RAPGEF1: variants seen among roughly 807,000 people sequenced by gnomAD.
RAPGEF1 encodes the protein Rap guanine nucleotide exchange factor 1.
RAPGEF1 carries 33 observed loss-of-function variants against 143.3 expected under a neutral mutation model. The ratio of observed to expected loss-of-function variants is 0.23; its 90% confidence interval spans 0.17 to 0.31. The LOEUF is 0.31. Ranked by LOEUF, RAPGEF1 falls within the 10% of genes least tolerant of loss-of-function variation. The probability of loss-of-function intolerance (pLI) is 1.00; values close to 1 mark genes in which losing one functional copy is unlikely to be tolerated. For missense variants in RAPGEF1, 1,199 were observed against 1,645.4 expected (o/e 0.73, Z 4.69); for synonymous variants, 629 against 676.5 (o/e 0.93, Z 1.09).
chr9:131,614,668 T>G (rs1319245043), intron 12 of RAPGEF1, among the ~76,000 whole-genome samples: 2 of 152,250 alleles, frequency 1.3e-5, no homozygotes, highest in African/African-American at 4.8e-5. Context: ...AGCGTCTGCA[T>G]GAAGCTCAAG....
At chr9:131,657,150 C>T (rs1016871985) in intron 1 of RAPGEF1, among the ~76,000 whole-genome samples, 4 of 152,146 alleles carry the variant, frequency 2.6e-5, no homozygotes, top group African/African-American at 9.6e-5. Flanking sequence ...TACTATAATG[C>T]TTTGCGATAG....
intron 3 of RAPGEF1, among the ~76,000 whole-genome samples, chr9:131,644,789 C>T (rs1969085415): frequency 6.6e-6 from 1 of 151,994 alleles, no homozygotes. Context: ...CATAGTGACA[C>T]ACCGTCTCAA....
At chr9:131,677,099 T>C (rs956628209) in intron 1 of RAPGEF1, among the ~76,000 whole-genome samples, 3 of 152,206 alleles carry the variant, frequency 2.0e-5, no homozygotes, top group African/African-American at 7.2e-5. Flanking sequence ...CAAACAAATA[T>C]TTACAAAGTT....
At chr9:131,647,560 T>G (rs1255434958) in intron 3 of RAPGEF1, among the ~76,000 whole-genome samples, 1 of 152,202 alleles carries the variant, frequency 6.6e-6, no homozygotes, top group African/African-American at 2.4e-5. Flanking sequence ...AGAGAGCTAA[T>G]GAATAATCAA....
chr9:131,673,700 C>T (rs79639484), intron 1 of RAPGEF1, among the ~76,000 whole-genome samples: 4,650 of 152,244 alleles, frequency 0.031, 107 homozygotes, highest in Middle Eastern at 0.085. Context: ...CCCCCCCGGC[C>T]GCCCCACCCA....
intron 1 of RAPGEF1, among the ~76,000 whole-genome samples, chr9:131,652,884 T>C (rs1012778259): frequency 6.6e-6 from 1 of 152,236 alleles, no homozygotes; most frequent in African/African-American, 2.4e-5. Flanking sequence ...ATATGTGCTA[T>C]ATATTTACAC....
chr9:131,597,263 T>C (rs1209835467), intron 16 of RAPGEF1, among the ~76,000 whole-genome samples: 1 of 152,186 alleles, frequency 6.6e-6, no homozygotes, highest in Non-Finnish European at 1.5e-5. Flanking sequence ...TGAGATTGTC[T>C]TGGGTTTACC....
intron 5 of RAPGEF1, among the ~76,000 whole-genome samples, chr9:131,634,370 C>G (rs1965752951): frequency 6.6e-6 from 1 of 152,136 alleles, no homozygotes; most frequent in South Asian, 2.1e-4. Flanking sequence ...GGAAAAGTAG[C>G]TCTCCAAATA....
chr9:131,733,373 G>C (rs1458429516), intron 1 of RAPGEF1, among the ~76,000 whole-genome samples: 1 of 131,158 alleles, frequency 7.6e-6, no homozygotes, highest in African/African-American at 2.8e-5. Flanking sequence ...GGCGGGGGGG[G>C]GGGTGGTGCG....
rs749485743 is a variant in RAPGEF1, at chr9:131,580,337, G to C, written c.3567C>G (p.Ile1189Met). The change falls in exon 26 of 27, where the codon ATC becomes ATG. Residue 1189 changes from isoleucine (I) to methionine (M), a missense_variant. This residue lies in a region of RAPGEF1 where 67 missense variants were observed against 105.4 expected (regional missense o/e 0.64). Coordinates refer to ENST00000683357, the MANE Select transcript of RAPGEF1 (RefSeq NM_001377935.1). ...GCTTGGAGAAGTTCACTTTCCCGTC[G>C]ATGTAGTCTGGGTTTCCCAGGTGAA... ...TFVHLGNPDY[I>M]DGKVNFSKRW... is the part of the protein sequence containing the mutation. The C allele has an allele frequency of 3.1e-6, 5 of 1,613,958 alleles. No individual in the cohort carries two copies. The highest frequency in any genetic ancestry group is 4.2e-6 in the Non-Finnish European group (5 of 1,179,862).
chr9:131,610,297 T>G (rs532127679), intron 12 of RAPGEF1, among the ~76,000 whole-genome samples: 9 of 151,960 alleles, frequency 5.9e-5, no homozygotes, highest in South Asian at 2.1e-4. Context: ...GAGGAGGCTG[T>G]CTGCTCATCA....
intron 1 of RAPGEF1, among the ~76,000 whole-genome samples, chr9:131,707,000 T>C (rs1835121407): frequency 6.6e-6 from 1 of 152,266 alleles, no homozygotes; most frequent in Non-Finnish European, 1.5e-5. Flanking sequence ...TCTGTCTGTA[T>C]ACCCAGCTGC....
rs874056 is a variant in RAPGEF1, at chr9:131,641,170, T to C, written c.494+2069A>G. Among the ~76,000 whole-genome samples the C allele has an allele frequency of 0.86, 131,623 of 152,168 alleles. 57,132 individuals carry two copies. The highest frequency in any genetic ancestry group is 0.93 in the African/African-American group (38,463 of 41,494). ...GAGCCTGGCTCTGGGAAGCAACACT[T>C]CTAGCAGCAATACACTCTGGGTGTG... On this transcript the variant is annotated intron_variant, in intron 4 of 26. Transcript: ENST00000683357. This position sits in a 1 kb window ranked among gnomAD's most constrained non-coding sequence, Gnocchi z 4.6.
At chr9:131,736,629 C>G (rs549576810) in intron 1 of RAPGEF1, among the ~76,000 whole-genome samples, 1 of 152,288 alleles carries the variant, frequency 6.6e-6, no homozygotes, top group East Asian at 1.9e-4. Flanking sequence ...AAGGAGGTAT[C>G]AGGCAATGCA....
At chr9:131,639,348 C>T (rs959869324) in intron 4 of RAPGEF1, among the ~76,000 whole-genome samples, 3 of 152,054 alleles carry the variant, frequency 2.0e-5, no homozygotes, top group Admixed American at 6.5e-5. Flanking sequence ...ACGTCAGGAG[C>T]GCACGAATGA....
chr9:131,588,192 G>T (rs1953519195), intron 20 of RAPGEF1, among the ~76,000 whole-genome samples, 166 bp from the exon 21 acceptor site: 1 of 152,206 alleles, frequency 6.6e-6, no homozygotes, highest in Non-Finnish European at 1.5e-5. Context: ...GGCCCTAATG[G>T]CCTCCTGCCT....
At chr9:131,696,063 T>A (rs1834147261) in intron 1 of RAPGEF1, among the ~76,000 whole-genome samples, 1 of 152,216 alleles carries the variant, frequency 6.6e-6, no homozygotes, top group African/African-American at 2.4e-5. Flanking sequence ...TGTGGGCTGC[T>A]GGCCAGAGCC....
chr9:131,647,763 G>C (rs1455819606), intron 3 of RAPGEF1, among the ~76,000 whole-genome samples: 1 of 152,068 alleles, frequency 6.6e-6, no homozygotes, highest in African/African-American at 2.4e-5. Flanking sequence ...AATGAGCAAT[G>C]ATGAAAAAGG....
intron 1 of RAPGEF1, among the ~76,000 whole-genome samples, chr9:131,694,080 C>T (rs1365678692): frequency 6.6e-6 from 1 of 152,164 alleles, no homozygotes; most frequent in Non-Finnish European, 1.5e-5. Flanking sequence ...CCTCAGGTCT[C>T]TGCCCACTGT....
Sources: gnomAD v4.1 joint callset for allele counts (sites outside exome capture counted in the v4.1 genomes callset) on GRCh38, gnomAD v4.1.1 for gene constraint, gnomAD v4.1.1 regional missense constraint, Gnocchi (gnomAD v3.1) non-coding constraint, MANE v1.5 for transcripts, NCBI Gene and HGNC (gene_info 2026-07-23, HGNC 2026-07-21) for gene names.